Variants in KDM6A observed in about 807,000 individuals in gnomAD.
KDM6A encodes the protein lysine demethylase 6A.
KDM6A carries 11 observed loss-of-function variants against 117.6 expected under a neutral mutation model. The ratio of observed to expected loss-of-function variants is 0.09; its 90% CI spans 0.06 to 0.15. The LOEUF is 0.15. KDM6A is among the 10% of genes least tolerant of loss of function. The pLI is 1.00. For missense variants in KDM6A, 799 were observed against 1,077.3 expected (o/e 0.74, Z 3.62); for synonymous variants, 384 against 396.1 (o/e 0.97, Z 0.36).
intron 2 of KDM6A, among the ~76,000 whole-genome samples, chrX:44,933,260 A>ATTTTTT (rs56098621): frequency 6.6e-4 from 24 of 36,529 alleles, no homozygotes; most frequent in African/African-American, 8.8e-4. Flanking sequence ...GTTTATGTTG[A>ATTTTTT]TTTTTTTTTT....
Position 44,888,228 on chromosome X carries a change from C to T in KDM6A, c.225+14241C>T, listed in dbSNP as rs962721623. 2.7e-5 allele frequency among the ~76,000 whole-genome samples: 3 copies of T among 111,501 alleles called. No individual in the cohort carries two copies. In the East Asian group the frequency reaches 8.4e-4, roughly 31 times the overall value. On this transcript the variant is annotated intron_variant, in intron 2 of 29. Coordinates refer to ENST00000611820, the MANE Select transcript of KDM6A (RefSeq NM_001291415.2). ...GCTGAGGCAGAGAATTGCTTGAACC[C>T]GGGAGGTGGAGGTTGGCGGTGAGCC...
chrX:45,063,898 A>G, intron 17 of KDM6A, 81 bp downstream of exon 17: 1 of 972,828 alleles, frequency 1.0e-6, no homozygotes. Flanking sequence ...AGAAGAAGAG[A>G]GAAGTGTTTG....
intron 6 of KDM6A, 108 bp downstream of exon 6, chrX:45,020,838 C>A: frequency 1.1e-6 from 1 of 908,324 alleles, no homozygotes. Flanking sequence ...TATATTGGCA[C>A]TTTAAAAGAA....
intron 4 of KDM6A, among the ~76,000 whole-genome samples, chrX:44,982,483 A>G (rs1376595511): frequency 1.8e-5 from 2 of 111,956 alleles, no homozygotes; most frequent in African/African-American, 6.5e-5. Flanking sequence ...GCTGAAGAAT[A>G]TCACATAGTA....
chrX:45,090,273 G>A (rs972078804), intron 26 of KDM6A, among the ~76,000 whole-genome samples: 3 of 112,134 alleles, frequency 2.7e-5, no homozygotes, highest in African/African-American at 9.7e-5. Context: ...CATATGAATA[G>A]CTCTGTAATG....
intron 8 of KDM6A, among the ~76,000 whole-genome samples, chrX:45,048,101 G>A (rs775750376): frequency 3.0e-5 from 3 of 101,544 alleles, no homozygotes; most frequent in African/African-American, 7.3e-5. Context: ...CAGAGGTTGC[G>A]GTGAGCCAAG....
At chrX:45,049,215 G>A (rs896108459) in intron 8 of KDM6A, among the ~76,000 whole-genome samples, 11 of 112,171 alleles carry the variant, frequency 9.8e-5, no homozygotes, top group Admixed American at 3.8e-4. Context: ...GGTAGAAGCT[G>A]TTGTGTCATT....
rs1025791010 is a variant in KDM6A, at chrX:44,927,230, A to T, written c.226-34054A>T. Reference sequence around the variant, plus strand: ...AAAAAAATCCTATAAAGTTTACAAAAAGGGAGCCCTTATCTCCCTTCAGTA... The same window carrying T: ...AAAAAAATCCTATAAAGTTTACAAATAGGGAGCCCTTATCTCCCTTCAGTA... On this transcript the variant is annotated intron_variant, in intron 2 of 29. Coordinates refer to ENST00000611820, the MANE Select transcript of KDM6A (RefSeq NM_001291415.2). Among the ~76,000 whole-genome samples the T allele has an allele frequency of 2.7e-5, 3 of 110,954 alleles. No homozygotes were observed. In the East Asian group the frequency reaches 8.5e-4, roughly 32 times the overall value.
At chrX:45,002,709 A>AT (rs1160627432) in intron 4 of KDM6A, among the ~76,000 whole-genome samples, 24 of 110,889 alleles carry the variant, frequency 2.2e-4, no homozygotes, top group African/African-American at 3.0e-4. Flanking sequence ...CTTTTATAAC[A>AT]TTTTTTTTCA....
At chrX:45,057,221 C>T (rs2044110468) in intron 10 of KDM6A, among the ~76,000 whole-genome samples, 1 of 111,512 alleles carries the variant, frequency 9.0e-6, no homozygotes, top group African/African-American at 3.3e-5. Context: ...CTTTACTTAA[C>T]ATTTCCCATT....
At chrX:44,967,994 T>C (rs1179682839) in intron 3 of KDM6A, among the ~76,000 whole-genome samples, 3 of 112,371 alleles carry the variant, frequency 2.7e-5, no homozygotes, top group African/African-American at 9.7e-5. Context: ...CTCACTGCAG[T>C]CAGTCTATTG....
intron 2 of KDM6A, among the ~76,000 whole-genome samples, chrX:44,883,285 G>T (rs2032491687): frequency 1.8e-5 from 2 of 110,350 alleles, no homozygotes; most frequent in Non-Finnish European, 3.8e-5. Flanking sequence ...TGCCCAGACT[G>T]GTCTCTAACT....
intron 10 of KDM6A, among the ~76,000 whole-genome samples, chrX:45,054,827 C>T (rs897370962): frequency 3.6e-5 from 4 of 111,727 alleles, no homozygotes; most frequent in Admixed American, 9.5e-5. Context: ...TGTATTAGAT[C>T]AGTGGTCCTC....
chrX:44,886,883 C>A (rs1409841559), intron 2 of KDM6A, among the ~76,000 whole-genome samples: 1 of 107,752 alleles, frequency 9.3e-6, no homozygotes, highest in Non-Finnish European at 1.9e-5. Flanking sequence ...AATTTGGGTT[C>A]TTGATTAGTT....
intron 2 of KDM6A, among the ~76,000 whole-genome samples, chrX:44,888,098 A>G (rs903221667): frequency 9.0e-6 from 1 of 111,240 alleles, no homozygotes; most frequent in East Asian, 2.8e-4. Flanking sequence ...TGAGGTTGGG[A>G]GTTCAAGACC....
chrX:44,873,930 C>A lies in KDM6A; in HGVS notation c.168C>A (p.Leu56=), dbSNP rs2031152725. Residue 56 remains leucine, a synonymous_variant, in exon 2 of 30, where the codon CTC becomes CTA. Transcript: ENST00000611820. The stretch of plus-strand genomic sequence containing the variant: ...ACTGTGTCTGTCTCCACAGCCGCCT[C>A]TTTGGGTTCGTGAGATTTCATGAAG... ...REALGGLDSR[L]FGFVRFHEDG... 1 of 1,211,179 alleles carries A rather than the reference C, an allele frequency of 8.3e-7. No homozygotes were observed. The highest frequency in any genetic ancestry group is 1.1e-6 in the Non-Finnish European group (1 of 894,842).
At chrX:44,967,276 T>A (rs1252321852) in intron 3 of KDM6A, among the ~76,000 whole-genome samples, 1 of 111,614 alleles carries the variant, frequency 9.0e-6, no homozygotes, top group African/African-American at 3.3e-5. Context: ...ACTCATACCC[T>A]CAAGATTACC....
chrX:44,949,918 A>G (rs759858315), intron 2 of KDM6A, among the ~76,000 whole-genome samples: 2 of 111,732 alleles, frequency 1.8e-5, no homozygotes, highest in South Asian at 3.8e-4. Flanking sequence ...GACAGGCATA[A>G]TGATTGCTGT....
At chrX:45,072,029 C>T (rs2044872978) in intron 18 of KDM6A, among the ~76,000 whole-genome samples, 1 of 111,716 alleles carries the variant, frequency 9.0e-6, no homozygotes, top group South Asian at 3.7e-4. Context: ...CCTGCCTCTG[C>T]CTCCCAAAGT....
Sources: allele counts gnomAD v4.1 joint callset (sites outside exome capture counted in the v4.1 genomes callset), GRCh38; gene constraint gnomAD v4.1.1; transcripts MANE v1.5; gene names NCBI Gene and HGNC (gene_info 2026-07-23, HGNC 2026-07-21).